TNFRSF9: variants seen among roughly 807,000 people sequenced by gnomAD.
The protein encoded by TNFRSF9 is tumor necrosis factor receptor superfamily member 9.
Under a neutral mutation model 28.8 loss-of-function variants are expected in TNFRSF9, and 16 were observed. That is an observed-to-expected ratio of 0.55 (90% CI 0.38 to 0.84). TNFRSF9 has a LOEUF of 0.84. TNFRSF9 is among the 40% of genes least tolerant of loss of function. The probability of loss-of-function intolerance (pLI) is 0.00; values close to 1 mark genes in which losing one functional copy is unlikely to be tolerated. For missense variants in TNFRSF9, 303 were observed against 315.0 expected, an observed-to-expected ratio of 0.96 and a Z score of 0.29; for synonymous variants, 131 against 117.0, an observed-to-expected ratio of 1.12 and a Z score of -0.77.
chr1:7,932,978 G>A lies in TNFRSF9; in HGVS notation c.679+184C>T, dbSNP rs9657987. ...GCCCCTAATCACCACCATCACCACC[G>A]AGCGGTGAACACTGCAACTGTCTCC... On this transcript the variant is annotated intron_variant, in intron 7 of 7. Transcript: ENST00000377507. 40 of 641,320 alleles carry A rather than the reference G, an allele frequency of 6.2e-5. No individual in the cohort carries two copies. In the African/African-American group the frequency reaches 6.5e-4, roughly 10 times the overall value. The allele number at this position is 641,320 out of a possible 1,614,324, so 39.7% of individuals were successfully genotyped here.
chr1:7,937,356 A>G (rs1417856088), intron 5 of TNFRSF9, among the ~76,000 whole-genome samples: 1 of 152,118 alleles, frequency 6.6e-6, no homozygotes, highest in South Asian at 2.1e-4. Flanking sequence ...TTGTAGAGAC[A>G]GGGTCTCACC....
chr1:7,927,517 G>T (rs905084441), intron 7 of TNFRSF9, among the ~76,000 whole-genome samples: 2 of 151,784 alleles, frequency 1.3e-5, no homozygotes, highest in African/African-American at 4.8e-5. Flanking sequence ...AGTCCAATAG[G>T]TCCACAGCAA....
In TNFRSF9 at chr1:7,917,955, G is replaced by GATATATATATATAT. The variant is rs151323868; in HGVS notation, c.*2866_*2879dup. 40 of 136,384 alleles carry GATATATATATATAT rather than the reference G, an allele frequency of 2.9e-4. No individual in the cohort carries two copies. Among genetic ancestry groups the GATATATATATATAT allele is most frequent in the African/African-American group, 1.1e-3 (38 of 34,570 alleles). The allele number at this position is 136,384 out of a possible 1,614,324, so 8.4% of individuals were successfully genotyped here. On this transcript the variant is annotated 3_prime_UTR_variant, in exon 8 of 8. Transcript: ENST00000377507. ...AAAAAGGGAAAAATAAATTACAAAGGATATATATATATATATATATAGATA... is the reference window on the plus strand; with the variant it reads ...AAAAAGGGAAAAATAAATTACAAAGGATATATATATATATATATATATATATATATATATAGATA...
chr1:7,923,017 C>T (rs1639585809), intron 7 of TNFRSF9, among the ~76,000 whole-genome samples: 1 of 151,536 alleles, frequency 6.6e-6, no homozygotes. Flanking sequence ...GTTCTCTTGC[C>T]TCAGTCTCCT....
chr1:7,934,232 C>T (rs1407300600), intron 6 of TNFRSF9, among the ~76,000 whole-genome samples: 2 of 151,826 alleles, frequency 1.3e-5, no homozygotes, highest in Admixed American at 6.6e-5. Context: ...AAAAAATTAG[C>T]CAGGTGTAGT....
intron 7 of TNFRSF9, among the ~76,000 whole-genome samples, chr1:7,926,806 T>G (rs1416721534): frequency 2.0e-5 from 3 of 152,148 alleles, no homozygotes; most frequent in African/African-American, 7.2e-5. Flanking sequence ...TTGACAAAGG[T>G]ACAATGAAGG....
chr1:7,934,919 C>T, intron 6 of TNFRSF9, 94 bp downstream of exon 6: 4 of 1,515,242 alleles, frequency 2.6e-6, no homozygotes, highest in Admixed American at 3.8e-5. Context: ...GTGGGAGGTG[C>T]CTGATATGAG....
At position 7,918,871 on chromosome 1, in the gene TNFRSF9, G is replaced by C. The variant is rs1558527096; in HGVS notation, c.*1964C>G. Reference sequence around the variant, plus strand: ...AGTACCAGAGGGTAGCAAGGATGTGGATCAATGGGATACTTACATGACACT... The same window carrying C: ...AGTACCAGAGGGTAGCAAGGATGTGCATCAATGGGATACTTACATGACACT... On this transcript the variant is annotated 3_prime_UTR_variant, in exon 8 of 8. Coordinates refer to ENST00000377507, the MANE Select transcript of TNFRSF9 (RefSeq NM_001561.6). 6.6e-6 allele frequency: 1 copy of C among 152,238 alleles called. No individual in the cohort carries two copies. Among genetic ancestry groups the C allele is most frequent in the Non-Finnish European group, 1.5e-5 (1 of 68,030 alleles). The allele number at this position is 152,238 out of a possible 1,614,324, so 9.4% of individuals were successfully genotyped here.
At position 7,920,302 on chromosome 1, in the gene TNFRSF9, T is replaced by C. The variant is rs951490877; in HGVS notation, c.*533A>G. 3 of 135,938 alleles carry C rather than the reference T, an allele frequency of 2.2e-5. No individual in the cohort carries two copies. The highest frequency in any genetic ancestry group is 1.6e-4 in the Admixed American group (2 of 12,818). 8.4% of individuals were successfully genotyped at this position (135,938 alleles called of 1,614,324 possible). A position where few individuals can be genotyped will look rare whatever the true frequency, so the allele number is the denominator to read the frequency against. On this transcript the variant is annotated 3_prime_UTR_variant, in exon 8 of 8. Coordinates refer to ENST00000377507, the MANE Select transcript of TNFRSF9 (RefSeq NM_001561.6). ...AACCTGTTAAGTGGTATCTAGAAAA[T>C]GCTTTTTTTTTTTTTTTTTTATCAC...
At chr1:7,927,389 G>A (rs1346729627) in intron 7 of TNFRSF9, among the ~76,000 whole-genome samples, 1 of 152,142 alleles carries the variant, frequency 6.6e-6, no homozygotes, top group Non-Finnish European at 1.5e-5. Flanking sequence ...TAATAAATAC[G>A]GAGGGCTGTG....
chr1:7,925,614 C>T (rs1639640236), intron 7 of TNFRSF9, among the ~76,000 whole-genome samples: 3 of 152,090 alleles, frequency 2.0e-5, no homozygotes, highest in African/African-American at 7.2e-5. Flanking sequence ...TTATACAACT[C>T]CCTGTAATGT....
Position 7,938,189 on chromosome 1 carries a change from G to C in TNFRSF9, c.346+4C>G, listed in dbSNP as rs9657966. ...TACACTAGATCAAAGAAACGCAAAC[G>C]TACCTTTTTTTGTCAGTTCTTGACC... On this transcript the variant is annotated splice_donor_region_variant and intron_variant, in intron 4 of 7. Coordinates refer to ENST00000377507, the MANE Select transcript of TNFRSF9 (RefSeq NM_001561.6). 0.024 allele frequency: 37,913 copies of C among 1,571,980 alleles called. 561 individuals carry two copies. The highest frequency in any genetic ancestry group is 0.028 in the Non-Finnish European group (32,734 of 1,158,688).
intron 2 of TNFRSF9, among the ~76,000 whole-genome samples, chr1:7,939,221 G>A (rs1211396732): frequency 6.6e-6 from 1 of 151,586 alleles, no homozygotes; most frequent in East Asian, 1.9e-4. Context: ...TCGGGAGGCT[G>A]AGGCAGGAGA....
Position 7,916,622 on chromosome 1 carries a change from G to GA in TNFRSF9, c.*4212dup, listed in dbSNP as rs2151407663. The GA allele has an allele frequency of 6.6e-6, 1 of 152,276 alleles. No individual in the cohort carries two copies. The highest frequency in any genetic ancestry group is 2.4e-5 in the African/African-American group (1 of 41,556). 9.4% of individuals were successfully genotyped at this position (152,276 alleles called of 1,614,324 possible). On this transcript the variant is annotated 3_prime_UTR_variant, in exon 8 of 8. Transcript: ENST00000377507. ...TTAAACACCATGTGTCCAAAGCCAA[G>GA]AGGAGAAATCACTTTAGAACTTACA...
intron 5 of TNFRSF9, among the ~76,000 whole-genome samples, chr1:7,937,442 A>G (rs987236259): frequency 2.7e-4 from 41 of 152,158 alleles, no homozygotes; most frequent in African/African-American, 9.4e-4. Context: ...TACAGGCGTG[A>G]ACCACTGCAC....
chr1:7,923,533 T>C (rs1639593112), intron 7 of TNFRSF9, among the ~76,000 whole-genome samples: 1 of 152,054 alleles, frequency 6.6e-6, no homozygotes, highest in Non-Finnish European at 1.5e-5. Flanking sequence ...CCTGAGAAAA[T>C]ACAAGATCTA....
chr1:7,930,832 T>G (rs1434576399), intron 7 of TNFRSF9, among the ~76,000 whole-genome samples: 1 of 151,864 alleles, frequency 6.6e-6, no homozygotes, highest in African/African-American at 2.4e-5. Context: ...AAACTGGAGG[T>G]GTAGACCTCA....
At chr1:7,938,863 CA>C in intron 2 of TNFRSF9, 35 bp from the exon 3 acceptor site, 1 of 1,476,648 alleles carries the variant, frequency 6.8e-7, no homozygotes, top group Non-Finnish European at 9.4e-7. Context: ...ACACGTTTGA[CA>C]ATGGGCAATC....
chr1:7,929,820 G>A (rs897834592), intron 7 of TNFRSF9, among the ~76,000 whole-genome samples: 11 of 152,108 alleles, frequency 7.2e-5, no homozygotes, highest in African/African-American at 2.4e-4. Context: ...AACTACACAC[G>A]CACACTGTGC....
Sources: allele counts gnomAD v4.1 joint callset (sites outside exome capture counted in the v4.1 genomes callset), GRCh38; gene constraint gnomAD v4.1.1; transcripts MANE v1.5; gene names NCBI Gene and HGNC (gene_info 2026-07-23, HGNC 2026-07-21).